CIMIP6: variants seen among roughly 807,000 people sequenced by gnomAD.
CIMIP6 encodes uncharacterized protein C2orf73.
At chr2:54,360,666 C>T in the CIMIP6 span, 6 of 1,141,734 alleles carry the variant, frequency 5.3e-6, no homozygotes, top group African/African-American at 4.8e-5. Flanking sequence ...AACTTCAGAA[C>T]ATACAATTTA....
At chr2:54,377,682 T>C in the CIMIP6 span, among the ~76,000 whole-genome samples, 1 of 152,192 alleles carries the variant, frequency 6.6e-6, no homozygotes, top group Non-Finnish European at 1.5e-5. Flanking sequence ...TTTTCAGCAG[T>C]CCATAGGTAT....
At chr2:54,331,020 T>C in the CIMIP6 span, 1 of 1,613,500 alleles carries the variant, frequency 6.2e-7, no homozygotes, top group Non-Finnish European at 8.5e-7. Flanking sequence ...TGGGGTTTGG[T>C]GTCTTATTTC....
the CIMIP6 span, among the ~76,000 whole-genome samples, chr2:54,347,395 A>C: frequency 0.18 from 27,677 of 152,176 alleles, 2,777 homozygotes; most frequent in Non-Finnish European, 0.22. Flanking sequence ...GTCAGTGGAC[A>C]CCTCCTCAAA....
the CIMIP6 span, chr2:54,339,795 T>C: frequency 3.4e-5 from 3 of 87,488 alleles, 1 homozygote; most frequent in African/African-American, 1.3e-4. Context: ...GGCTACGCGA[T>C]TGTGGCTGTG....
the CIMIP6 span, among the ~76,000 whole-genome samples, chr2:54,372,460 A>G: frequency 6.6e-6 from 1 of 152,218 alleles, no homozygotes; most frequent in African/African-American, 2.4e-5. Context: ...TGAGAGGTGG[A>G]GTCTGTGTCC....
chr2:54,377,234 G>A, the CIMIP6 span, among the ~76,000 whole-genome samples: 14 of 152,138 alleles, frequency 9.2e-5, no homozygotes, highest in Non-Finnish European at 1.6e-4. Context: ...ACCAATTTCC[G>A]TCGTGTAGCT....
chr2:54,336,805 G>A, the CIMIP6 span, among the ~76,000 whole-genome samples: 23 of 152,306 alleles, frequency 1.5e-4, 1 homozygote, highest in East Asian at 4.4e-3. Context: ...ACCAGAGGGA[G>A]AGTGAGGGAG....
the CIMIP6 span, among the ~76,000 whole-genome samples, chr2:54,348,141 T>C: frequency 6.6e-6 from 1 of 152,212 alleles, no homozygotes; most frequent in Non-Finnish European, 1.5e-5. Flanking sequence ...TTTTATAATA[T>C]TGGTTCAGTA....
chr2:54,352,189 A>G, the CIMIP6 span, among the ~76,000 whole-genome samples: 1 of 152,156 alleles, frequency 6.6e-6, no homozygotes, highest in Non-Finnish European at 1.5e-5. Context: ...TCATCTCTAT[A>G]TTTAATCCCA....
At chr2:54,334,777 T>A in the CIMIP6 span, 2 of 1,319,814 alleles carry the variant, frequency 1.5e-6, no homozygotes, top group Non-Finnish European at 2.1e-6. Flanking sequence ...AATATTTTAA[T>A]GGTTACTGGG....
the CIMIP6 span, chr2:54,361,461 G>A: frequency 6.6e-6 from 1 of 152,158 alleles, no homozygotes; most frequent in Non-Finnish European, 1.5e-5. Flanking sequence ...GTTATAAAGA[G>A]TATTTACAAA....
At chr2:54,371,374 G>A in the CIMIP6 span, among the ~76,000 whole-genome samples, 1 of 152,186 alleles carries the variant, frequency 6.6e-6, no homozygotes, top group African/African-American at 2.4e-5. Context: ...GGTCTTTAGG[G>A]GGAAGGCAGG....
chr2:54,381,366 AC>A, the CIMIP6 span, among the ~76,000 whole-genome samples: 4 of 152,306 alleles, frequency 2.6e-5, no homozygotes, highest in South Asian at 8.3e-4. Flanking sequence ...TTCTTTACTT[AC>A]CATAAAAAGG....
chr2:54,376,183 A>G, the CIMIP6 span, among the ~76,000 whole-genome samples: 1 of 149,776 alleles, frequency 6.7e-6, no homozygotes, highest in South Asian at 2.1e-4. Context: ...CCACATGTGC[A>G]TGCCACCATG....
chr2:54,376,337 A>T, the CIMIP6 span, among the ~76,000 whole-genome samples: 5 of 152,132 alleles, frequency 3.3e-5, no homozygotes, highest in Non-Finnish European at 5.9e-5. Context: ...TTTCATGCAA[A>T]CAGTTGAAGA....
chr2:54,360,410 T>C, the CIMIP6 span: 1 of 1,605,042 alleles, frequency 6.2e-7, no homozygotes, highest in African/African-American at 1.3e-5. Flanking sequence ...TAAAACTCAC[T>C]TATCAGAAAC....
At chr2:54,360,264 G>A in the CIMIP6 span, 1 of 1,612,054 alleles carries the variant, frequency 6.2e-7, no homozygotes, top group South Asian at 1.1e-5. Flanking sequence ...GTTCCTAAAG[G>A]AGCAGAGGTA....
At chr2:54,345,261 T>C in the CIMIP6 span, among the ~76,000 whole-genome samples, 2 of 152,208 alleles carry the variant, frequency 1.3e-5, no homozygotes, top group East Asian at 1.9e-4. Context: ...ATATACTAAA[T>C]TGGACAAAGA....
chr2:54,347,490 T>C, the CIMIP6 span, among the ~76,000 whole-genome samples: 1 of 152,234 alleles, frequency 6.6e-6, no homozygotes, highest in Non-Finnish European at 1.5e-5. Flanking sequence ...TTGCTTTAAC[T>C]TTCTTTGGTA....
Sources: allele counts gnomAD v4.1 joint callset (sites outside exome capture counted in the v4.1 genomes callset), GRCh38; gene constraint gnomAD v4.1.1; transcripts MANE v1.5; gene names NCBI Gene and HGNC (gene_info 2026-07-23, HGNC 2026-07-21).